Variants in CADM2 observed in about 807,000 individuals in gnomAD.
CADM2 encodes the protein cell adhesion molecule 2, also known as immunoglobulin superfamily member 4D.
Under a neutral mutation model 49.8 loss-of-function variants are expected in CADM2, and 12 were observed. The observed-to-expected ratio is 0.24, with a 90% confidence interval of 0.15 to 0.39. The LOEUF is 0.39. Ranked by LOEUF, CADM2 falls within the 10% of genes least tolerant of loss-of-function variation. The pLI is 1.00. For synonymous variants in CADM2, 214 were observed against 175.4 expected, an observed-to-expected ratio of 1.22 and a Z score of -1.74; for missense variants, 378 against 492.3, an observed-to-expected ratio of 0.77 and a Z score of 2.20.
chr3:85,836,561 G>A (rs1168118173), intron 3 of CADM2, among the ~76,000 whole-genome samples: 1 of 151,492 alleles, frequency 6.6e-6, no homozygotes, highest in Non-Finnish European at 1.5e-5. Flanking sequence ...TTAACTATAT[G>A]ACAAAAAGGG....
At chr3:85,599,915 G>A (rs978877584) in intron 1 of CADM2, among the ~76,000 whole-genome samples, 1 of 151,358 alleles carries the variant, frequency 6.6e-6, no homozygotes, top group African/African-American at 2.4e-5. Context: ...TATGTACATA[G>A]TTAATATTAA....
At chr3:85,510,534 C>G (rs1222590340) in intron 1 of CADM2, among the ~76,000 whole-genome samples, 1 of 151,950 alleles carries the variant, frequency 6.6e-6, no homozygotes, top group Non-Finnish European at 1.5e-5. Context: ...CCACAAAACA[C>G]TTTTGCTTTT....
chr3:85,645,511 CTTA>C (rs2064857215), intron 1 of CADM2, among the ~76,000 whole-genome samples: 2 of 151,708 alleles, frequency 1.3e-5, no homozygotes, highest in Admixed American at 6.6e-5. Context: ...TTTTACTGGT[CTTA>C]TTAGTAAGGT....
At chr3:85,329,191 C>A (rs1196164205) in intron 1 of CADM2, among the ~76,000 whole-genome samples, 1 of 152,134 alleles carries the variant, frequency 6.6e-6, no homozygotes, top group Non-Finnish European at 1.5e-5. Context: ...AAATACATTT[C>A]TGTTCTTTAA....
intron 3 of CADM2, chr3:85,827,974 C>T (rs917884065): frequency 6.6e-6 from 1 of 151,726 alleles, no homozygotes; most frequent in East Asian, 1.9e-4. Flanking sequence ...GAATAAGAGG[C>T]AGAATAGAGA....
chr3:85,738,661 C>T (rs1051562346), intron 2 of CADM2, among the ~76,000 whole-genome samples: 2 of 152,068 alleles, frequency 1.3e-5, no homozygotes, highest in African/African-American at 4.8e-5. Flanking sequence ...TCTTTTTCTG[C>T]CTTTTTTCTT....
intron 1 of CADM2, among the ~76,000 whole-genome samples, chr3:85,471,902 G>A (rs898622848): frequency 2.1e-4 from 32 of 151,558 alleles, no homozygotes; most frequent in African/African-American, 7.0e-4. Context: ...ATAAAACCAG[G>A]CCATTCTATT....
chr3:85,681,375 A>C (rs2066035266), intron 1 of CADM2, among the ~76,000 whole-genome samples: 1 of 150,884 alleles, frequency 6.6e-6, no homozygotes, highest in Admixed American at 6.6e-5. Context: ...TATATTTTGG[A>C]AATCACTTTC....
intron 1 of CADM2, among the ~76,000 whole-genome samples, chr3:85,395,754 A>G (rs2034754004): frequency 6.6e-6 from 1 of 151,956 alleles, no homozygotes; most frequent in African/African-American, 2.4e-5. Context: ...ATAATTTAAG[A>G]GTCACAAATT....
At chr3:84,989,262 T>C (rs1407545811) in intron 1 of CADM2, among the ~76,000 whole-genome samples, 1 of 152,178 alleles carries the variant, frequency 6.6e-6, no homozygotes, top group African/African-American at 2.4e-5. Flanking sequence ...ACAGAGCTTT[T>C]AACCTAGATT....
In CADM2 at chr3:85,744,175, G is replaced by A. The variant is rs149780443; in HGVS notation, c.88+17627G>A. ...CTTAAACTGGAGTAATGGAACTCAT[G>A]GAGAGTACAATGATGGTTACCAGAG... On this transcript the variant is annotated intron_variant, in intron 2 of 9. Coordinates refer to ENST00000383699, the MANE Select transcript of CADM2 (RefSeq NM_001167675.2). Among the ~76,000 whole-genome samples, 691 of 152,168 alleles carry A rather than the reference G, an allele frequency of 4.5e-3. 4 individuals carry two copies. The highest frequency in any genetic ancestry group is 0.014 in the African/African-American group (598 of 41,494).
At chr3:85,660,092 G>C (rs772100795) in intron 1 of CADM2, among the ~76,000 whole-genome samples, 1 of 152,032 alleles carries the variant, frequency 6.6e-6, no homozygotes, top group Non-Finnish European at 1.5e-5. Flanking sequence ...TTCTTCATTT[G>C]TACCAAATGA....
At chr3:85,481,839 T>G (rs2039227109) in intron 1 of CADM2, among the ~76,000 whole-genome samples, 1 of 151,508 alleles carries the variant, frequency 6.6e-6, no homozygotes, top group Non-Finnish European at 1.5e-5. Context: ...TTCTTACTCT[T>G]AAAATATAAA....
At chr3:84,999,819 C>G (rs1233068422) in intron 1 of CADM2, among the ~76,000 whole-genome samples, 1 of 152,058 alleles carries the variant, frequency 6.6e-6, no homozygotes, top group Non-Finnish European at 1.5e-5. Flanking sequence ...AAGAATGACT[C>G]TACCACATAT....
intron 2 of CADM2, among the ~76,000 whole-genome samples, chr3:85,791,533 AG>A: frequency 6.8e-6 from 1 of 146,260 alleles, no homozygotes; most frequent in Admixed American, 6.9e-5. Flanking sequence ...AGAGAGAGAG[AG>A]AGAGAGAGAA....
chr3:85,307,306 A>C (rs78183503), intron 1 of CADM2, among the ~76,000 whole-genome samples: 5,729 of 151,694 alleles, frequency 0.038, 156 homozygotes, highest in South Asian at 0.1. Flanking sequence ...AGAAATCCAG[A>C]ATATTCTGTG....
chr3:85,837,742 A>G (rs1457683714), intron 3 of CADM2, among the ~76,000 whole-genome samples: 1 of 151,796 alleles, frequency 6.6e-6, no homozygotes, highest in African/African-American at 2.4e-5. Context: ...TTCTGCAGGT[A>G]TATTAATTTA....
At chr3:85,505,144 AG>A (rs2040288344) in intron 1 of CADM2, among the ~76,000 whole-genome samples, 2 of 152,322 alleles carry the variant, frequency 1.3e-5, no homozygotes, top group South Asian at 4.1e-4. Context: ...GGCGGGCTGA[AG>A]GGCTCTCAAG....
chr3:85,699,763 C>T (rs1395970592), intron 1 of CADM2, among the ~76,000 whole-genome samples: 5 of 152,198 alleles, frequency 3.3e-5, no homozygotes, highest in African/African-American at 9.6e-5. Flanking sequence ...ATCCAAAATG[C>T]CTTTAGGCCT....
Sources: gnomAD v4.1 joint callset for allele counts (sites outside exome capture counted in the v4.1 genomes callset) on GRCh38, gnomAD v4.1.1 for gene constraint, MANE v1.5 for transcripts, NCBI Gene and HGNC (gene_info 2026-07-23, HGNC 2026-07-21) for gene names.